CAPN8: variants seen among roughly 807,000 people sequenced by gnomAD.
The protein encoded by CAPN8 is calpain-8.
In CAPN8, 87 loss-of-function variants were observed where a neutral mutation model predicts 80.9. That is an observed-to-expected ratio of 1.07 (90% CI 0.90 to 1.28). The LOEUF (loss-of-function observed/expected upper bound fraction) is 1.28, where lower values mean the gene tolerates loss of function less well. CAPN8 is among the 50% of genes most tolerant of loss of function. The pLI is 0.00. For synonymous variants in CAPN8, 299 were observed against 273.8 expected (o/e 1.09, Z -0.91); for missense variants, 757 against 702.0 (o/e 1.08, Z -0.89).
intron 2 of CAPN8, among the ~76,000 whole-genome samples, chr1:223,649,264 C>T (rs552061126): frequency 6.6e-6 from 1 of 152,304 alleles, no homozygotes; most frequent in Admixed American, 6.5e-5. Context: ...TGATACCACA[C>T]CTTAGTGTTT....
At chr1:223,543,260 G>A in intron 19 of CAPN8, 94 bp from the exon 20 acceptor site, 5 of 1,422,482 alleles carry the variant, frequency 3.5e-6, no homozygotes, top group Non-Finnish European at 4.8e-6. Flanking sequence ...ATCCCCACCT[G>A]CGGAACTCTC....
intron 15 of CAPN8, among the ~76,000 whole-genome samples, chr1:223,550,266 T>A (rs1458234524): frequency 1.3e-5 from 2 of 152,146 alleles, no homozygotes; most frequent in Non-Finnish European, 2.9e-5. Flanking sequence ...CAGCCCTGGG[T>A]TCGTCCCTGG....
intron 7 of CAPN8, among the ~76,000 whole-genome samples, chr1:223,620,478 G>A (rs79125992): frequency 0.043 from 6,566 of 152,258 alleles, 209 homozygotes; most frequent in African/African-American, 0.078. Flanking sequence ...GCACTAGCAC[G>A]ATGGCCTTGG....
At chr1:223,555,923 C>T (rs952960031) in intron 13 of CAPN8, among the ~76,000 whole-genome samples, 60 of 152,148 alleles carry the variant, frequency 3.9e-4, no homozygotes, top group Admixed American at 1.1e-3. Context: ...GTGAACAAGG[C>T]GTAGTTTTTG....
chr1:223,619,214 A>C, intron 9 of CAPN8, 79 bp downstream of exon 9: 1 of 1,500,088 alleles, frequency 6.7e-7, no homozygotes, highest in Non-Finnish European at 9.0e-7. Flanking sequence ...ACAAAATAGC[A>C]CCAAAAAATT....
At chr1:223,640,745 T>C (rs1658022299) in intron 2 of CAPN8, among the ~76,000 whole-genome samples, 1 of 152,002 alleles carries the variant, frequency 6.6e-6, no homozygotes, top group African/African-American at 2.4e-5. Flanking sequence ...GAGCAGTAAT[T>C]AGGAGGTTGC....
chr1:223,558,877 G>A (rs1656964258), intron 12 of CAPN8, among the ~76,000 whole-genome samples: 1 of 149,220 alleles, frequency 6.7e-6, no homozygotes, highest in Non-Finnish European at 1.5e-5. Context: ...TGTATGTGTA[G>A]TGTGTATAGT....
intron 2 of CAPN8, among the ~76,000 whole-genome samples, chr1:223,637,317 C>A (rs994127302): frequency 3.3e-5 from 5 of 152,196 alleles, no homozygotes; most frequent in Admixed American, 2.6e-4. Context: ...CACCTCTGCC[C>A]TTTCCCCCAG....
chr1:223,623,417 G>A (rs1657463154), intron 6 of CAPN8, among the ~76,000 whole-genome samples: 3 of 152,200 alleles, frequency 2.0e-5, no homozygotes, highest in Middle Eastern at 3.4e-3. Flanking sequence ...TACATTATCC[G>A]AGATTATCTA....
intron 1 of CAPN8, among the ~76,000 whole-genome samples, chr1:223,660,697 T>C (rs74145973): frequency 0.012 from 1,822 of 152,354 alleles, 44 homozygotes; most frequent in African/African-American, 0.039. Context: ...TGTACATACA[T>C]GTTCAACCCA....
chr1:223,647,127 C>G (rs1658213281), intron 2 of CAPN8, among the ~76,000 whole-genome samples: 1 of 152,106 alleles, frequency 6.6e-6, no homozygotes, highest in African/African-American at 2.4e-5. Flanking sequence ...GTAGGTGACA[C>G]TGGAGAACAC....
intron 15 of CAPN8, 174 bp from the exon 16 acceptor site, chr1:223,549,556 C>T: frequency 1.0e-6 from 1 of 956,068 alleles, no homozygotes; most frequent in Non-Finnish European, 1.6e-6. Flanking sequence ...GCCTGAGCCT[C>T]CTGGTGCCGT....
chr1:223,642,382 A>C (rs2102725934), intron 2 of CAPN8, among the ~76,000 whole-genome samples: 1 of 152,330 alleles, frequency 6.6e-6, no homozygotes, highest in East Asian at 1.9e-4. Context: ...ACATATAATA[A>C]GGCACACTAA....
rs1657555195 is a variant in CAPN8 at position 223,625,798 on chromosome 1, A to G, written c.813+7T>C. Reference sequence around the variant, plus strand: ...CGTTACCTTCCCCACCTTCCACACAATTTTACCTCTTCGACTCCAGTGACA... The same window carrying G: ...CGTTACCTTCCCCACCTTCCACACAGTTTTACCTCTTCGACTCCAGTGACA... On this transcript the variant is annotated splice_region_variant and intron_variant, in intron 6 of 20. Transcript: ENST00000366872. 5 of 1,548,698 alleles carry G rather than the reference A, an allele frequency of 3.2e-6. No homozygotes were observed. The highest frequency in any genetic ancestry group is 4.4e-6 in the Non-Finnish European group (5 of 1,144,548).
At chr1:223,631,363 T>C (rs900987324) in intron 2 of CAPN8, among the ~76,000 whole-genome samples, 4 of 152,184 alleles carry the variant, frequency 2.6e-5, no homozygotes, top group Non-Finnish European at 4.4e-5. Flanking sequence ...ACTCCATTCA[T>C]GCATCAACTC....
Position 223,609,188 on chromosome 1 carries a change from G to C in CAPN8, c.1500C>G (p.Cys500Trp). The C allele has an allele frequency of 2.5e-6, 1 of 398,418 alleles. No individual in the cohort carries two copies. Among genetic ancestry groups the C allele is most frequent in the Non-Finnish European group, 4.4e-6 (1 of 226,078 alleles). The allele number at this position is 398,418 out of a possible 1,614,324, so 24.7% of individuals were successfully genotyped here. ...CCTTCTTCTCTGAGAACACTCTCAA[G>C]CAGAACTCGCCGTCTTTGAAGGGTT... ...TFEPFKDGEF[C>W]LRVFSEKKAQ... The change falls in exon 12 of 21, where the codon TGC (cysteine) becomes TGG (tryptophan). Residue 500 changes from cysteine (C) to tryptophan (W), a missense_variant. By Grantham distance (215) the Cys-to-Trp change is radical. Transcript: ENST00000366872.
chr1:223,626,317 T>A (rs1222189176), intron 5 of CAPN8, among the ~76,000 whole-genome samples: 1 of 150,436 alleles, frequency 6.6e-6, no homozygotes, highest in East Asian at 2.0e-4. Flanking sequence ...ATACCACCCC[T>A]CCACCAAAAA....
intron 9 of CAPN8, 117 bp from the exon 10 acceptor site, chr1:223,616,262 G>A: frequency 2.5e-6 from 3 of 1,202,602 alleles, no homozygotes; most frequent in Admixed American, 5.6e-5. Context: ...CATCCAAACT[G>A]TGCCTAGTAA....
intron 2 of CAPN8, among the ~76,000 whole-genome samples, chr1:223,633,594 A>C (rs1195057958): frequency 6.6e-6 from 1 of 152,066 alleles, no homozygotes; most frequent in Non-Finnish European, 1.5e-5. Context: ...CCCAGGAGGC[A>C]GAGGTTGCAG....
Sources: allele counts gnomAD v4.1 joint callset (sites outside exome capture counted in the v4.1 genomes callset), GRCh38; gene constraint gnomAD v4.1.1; transcripts MANE v1.5; gene names NCBI Gene and HGNC (gene_info 2026-07-23, HGNC 2026-07-21).